The following FGF12 variants were observed in gnomAD, a reference collection of about 807,000 sequenced individuals.
FGF12 encodes the protein fibroblast growth factor 12B.
Under a neutral mutation model 23.6 loss-of-function variants are expected in FGF12, and 14 were observed. The observed-to-expected ratio is 0.59, with a 90% CI of 0.39 to 0.93. FGF12 has a LOEUF of 0.93. Among genes scored for constraint, FGF12 ranks in the 40% least tolerant of loss-of-function variants. FGF12 has a pLI of 0.00. For missense variants in FGF12, 175 were observed against 217.8 expected (o/e 0.80, Z 1.24); for synonymous variants, 62 against 77.3 (o/e 0.80, Z 1.04).
chr3:192,597,717 C>T (rs556787485), intron 2 of FGF12, among the ~76,000 whole-genome samples: 187 of 152,342 alleles, frequency 1.2e-3, no homozygotes, highest in African/African-American at 4.4e-3. Flanking sequence ...CAGATTTCAT[C>T]TGCAAACAGT....
intron 2 of FGF12, among the ~76,000 whole-genome samples, chr3:192,506,344 AT>A (rs1354499517): frequency 6.6e-6 from 1 of 152,074 alleles, no homozygotes; most frequent in Non-Finnish European, 1.5e-5. Context: ...AACATAGTTT[AT>A]TCTTTTTTTG....
intron 4 of FGF12, among the ~76,000 whole-genome samples, chr3:192,209,329 A>T (rs1183242877): frequency 1.3e-5 from 2 of 152,192 alleles, no homozygotes. Flanking sequence ...AAAATTATCA[A>T]TGAGGATGGG....
chr3:192,177,133 T>A (rs1452998200), intron 4 of FGF12, among the ~76,000 whole-genome samples: 1 of 152,206 alleles, frequency 6.6e-6, no homozygotes, highest in African/African-American at 2.4e-5. Context: ...TTATCTAAAT[T>A]TCTGATTTGT....
chr3:192,683,215 G>T (rs114698874), intron 2 of FGF12, among the ~76,000 whole-genome samples: 1 of 152,180 alleles, frequency 6.6e-6, no homozygotes, highest in Non-Finnish European at 1.5e-5. Flanking sequence ...GGCAGCCAGC[G>T]TCTGAAATCA....
At chr3:192,462,114 A>C (rs1345116300) in intron 2 of FGF12, among the ~76,000 whole-genome samples, 1 of 150,764 alleles carries the variant, frequency 6.6e-6, no homozygotes, top group Non-Finnish European at 1.5e-5. Flanking sequence ...CACTAGTAAT[A>C]AAGAAATGTA....
chr3:192,309,425 G>T (rs1233252577), intron 4 of FGF12, among the ~76,000 whole-genome samples: 1 of 152,170 alleles, frequency 6.6e-6, no homozygotes, highest in Non-Finnish European at 1.5e-5. Flanking sequence ...GGTGGGTGAT[G>T]GGGGTGAGAG....
intron 2 of FGF12, among the ~76,000 whole-genome samples, chr3:192,384,510 G>C (rs1384267016): frequency 1.3e-5 from 2 of 152,158 alleles, no homozygotes; most frequent in East Asian, 1.9e-4. Context: ...AGGAAAGAAG[G>C]ATAGAACAGA....
At chr3:192,348,536 G>GTTTA (rs1718067566) in intron 3 of FGF12, among the ~76,000 whole-genome samples, 1 of 152,074 alleles carries the variant, frequency 6.6e-6, no homozygotes, top group Non-Finnish European at 1.5e-5. Flanking sequence ...CAAGTTCACT[G>GTTTA]TTTAGCCTGT....
intron 5 of FGF12, among the ~76,000 whole-genome samples, chr3:192,158,670 C>CTTCCTTCTTTCCTTCCTTCCTTCCT (rs1714688580): frequency 1.3e-5 from 1 of 74,652 alleles, no homozygotes; most frequent in African/African-American, 4.2e-5. Flanking sequence ...CCTTCCCTCC[C>CTTCCTTCTTTCCTTCCTTCCTTCCT]TCCCTCTCTC....
intron 4 of FGF12, among the ~76,000 whole-genome samples, chr3:192,171,138 C>A (rs147439880): frequency 2.0e-5 from 3 of 152,280 alleles, no homozygotes; most frequent in African/African-American, 7.2e-5. Context: ...AGGAAAATCA[C>A]CACTTTTCCT....
chr3:192,639,538 T>C (rs1039847955), intron 2 of FGF12, among the ~76,000 whole-genome samples: 2 of 152,308 alleles, frequency 1.3e-5, no homozygotes, highest in East Asian at 3.9e-4. Flanking sequence ...AGCCAAGATA[T>C]GGAAACAATG....
chr3:192,308,595 G>A (rs142383760), intron 4 of FGF12, among the ~76,000 whole-genome samples: 157 of 151,682 alleles, frequency 1.0e-3, no homozygotes, highest in African/African-American at 3.5e-3. Flanking sequence ...CAGGAGAATC[G>A]CTTGAACCTG....
At chr3:192,601,979 T>A (rs1288380334) in intron 2 of FGF12, among the ~76,000 whole-genome samples, 2 of 152,254 alleles carry the variant, frequency 1.3e-5, no homozygotes, top group Admixed American at 1.3e-4. Context: ...CCCATGAATA[T>A]GGAGGGCTGA....
chr3:192,306,461 T>G (rs1456983801), intron 4 of FGF12, among the ~76,000 whole-genome samples: 1 of 152,086 alleles, frequency 6.6e-6, no homozygotes, highest in Non-Finnish European at 1.5e-5. Flanking sequence ...ACCAAAAAAT[T>G]GGTCAAAGAA....
At chr3:192,516,069 T>G (rs1724658561) in intron 2 of FGF12, among the ~76,000 whole-genome samples, 1 of 152,170 alleles carries the variant, frequency 6.6e-6, no homozygotes, top group African/African-American at 2.4e-5. Flanking sequence ...ACTTAACCGC[T>G]CTGTCCCTCA....
intron 2 of FGF12, among the ~76,000 whole-genome samples, chr3:192,611,418 T>C (rs1333793090): frequency 6.6e-6 from 1 of 152,066 alleles, no homozygotes; most frequent in Non-Finnish European, 1.5e-5. Flanking sequence ...CATTAGCATG[T>C]TTTACGGGTG....
At chr3:192,561,638 A>G (rs1028542506) in intron 2 of FGF12, among the ~76,000 whole-genome samples, 1 of 152,230 alleles carries the variant, frequency 6.6e-6, no homozygotes, top group Non-Finnish European at 1.5e-5. Flanking sequence ...CTGGGATTAC[A>G]GGCGTGAGCC....
intron 2 of FGF12, among the ~76,000 whole-genome samples, chr3:192,709,754 A>C (rs13059914): frequency 6.6e-6 from 1 of 151,962 alleles, no homozygotes; most frequent in Non-Finnish European, 1.5e-5. Context: ...CACATTTCCA[A>C]TCATGAGTTT....
chr3:192,696,132 T>C (rs1160970532), intron 2 of FGF12, among the ~76,000 whole-genome samples: 2 of 151,724 alleles, frequency 1.3e-5, no homozygotes, highest in Non-Finnish European at 2.9e-5. Context: ...CACATGTGTT[T>C]TTCTGTGATG....
Sources: gnomAD v4.1 joint callset for allele counts (sites outside exome capture counted in the v4.1 genomes callset) on GRCh38, gnomAD v4.1.1 for gene constraint, MANE v1.5 for transcripts, NCBI Gene and HGNC (gene_info 2026-07-23, HGNC 2026-07-21) for gene names.